The following ZNF560 variants were observed in gnomAD, a reference collection of about 807,000 sequenced individuals.
The protein encoded by ZNF560 is zinc finger protein 560.
Under a neutral mutation model 81.8 loss-of-function variants are expected in ZNF560, and 54 were observed. That is an observed-to-expected ratio of 0.66 (90% CI 0.53 to 0.83). The LOEUF (loss-of-function observed/expected upper bound fraction) is 0.83, where lower values mean the gene tolerates loss of function less well. ZNF560 is among the 40% of genes least tolerant of loss of function. ZNF560 has a pLI of 0.00. For synonymous variants in ZNF560, 321 were observed against 317.9 expected (o/e 1.01, Z -0.10); for missense variants, 940 against 932.4 (o/e 1.01, Z -0.11).
In ZNF560 at chr19:9,469,131, A is replaced by C. The variant is rs548140499; in HGVS notation, c.586T>G (p.Leu196Val). The change falls in exon 9 of 10, where the codon TTA becomes GTA. Residue 196 changes from leucine (L) to valine (V), a missense_variant. Transcript: ENST00000301480. ...AACTGTATCCCATTTAATGTTTTTA[A>C]ACAAAAATTATCTTGCCAAAGGGCT... Reference protein sequence around the residue: ...GPALWQDNFCLKTLNGIQLAR... With the variant: ...GPALWQDNFCVKTLNGIQLAR... 6.3e-7 allele frequency: 1 copy of C among 1,594,900 alleles called. No individual in the cohort carries two copies. Among genetic ancestry groups the C allele is most frequent in the Admixed American group, 1.8e-5 (1 of 55,120 alleles).
rs145243922 is a variant in ZNF560, at chr19:9,467,113, G to A, written c.1834C>T (p.Arg612Cys). ...CGTAAATGTTTAGTAAGATCTGAGC[G>A]TTCTGTGAAGGCTTTTCCACATTTC... ...CKKCGKAFTE[R>C]SDLTKHLRRH... Residue 612 changes from arginine (R) to cysteine (C), a missense_variant, in exon 10 of 10, where the codon CGC (arginine) becomes TGC (cysteine). Physicochemically the swap from Arg to Cys is radical, Grantham distance 180. Coordinates refer to ENST00000301480, the MANE Select transcript of ZNF560 (RefSeq NM_152476.3). 278 of 1,613,822 alleles carry A rather than the reference G, an allele frequency of 1.7e-4. No homozygotes were observed. Among genetic ancestry groups the A allele is most frequent in the Non-Finnish European group, 2.1e-4 (243 of 1,180,018 alleles).
intron 2 of ZNF560, among the ~76,000 whole-genome samples, chr19:9,476,136 G>A (rs2073198556): frequency 6.6e-6 from 1 of 152,110 alleles, no homozygotes; most frequent in African/African-American, 2.4e-5. Context: ...ATATGGTGTG[G>A]CTCTGTGTCC....
chr19:9,470,388 T>A lies in ZNF560; in HGVS notation c.448+4A>T. 1 of 1,607,802 alleles carries A rather than the reference T, an allele frequency of 6.2e-7. No individual in the cohort carries two copies. The highest frequency in any genetic ancestry group is 1.7e-5 in the Admixed American group (1 of 59,174). ...TAGGCTACAAGGGATGATGCCAGAC[T>A]TACCTACTGAGGACAGGTTCTTGTA... On this transcript the variant is annotated splice_donor_region_variant and intron_variant, in intron 7 of 9. Transcript: ENST00000301480.
upstream of ZNF560, among the ~76,000 whole-genome samples, chr19:9,501,721 A>G (rs1476673602): frequency 6.6e-6 from 1 of 151,712 alleles, no homozygotes; most frequent in Non-Finnish European, 1.5e-5. Flanking sequence ...CTGGCCTCCA[A>G]CTCCTAAGCT....
rs1395331887 is a variant in ZNF560, at chr19:9,467,224, T to C, written c.1723A>G (p.Met575Val). 1.2e-6 allele frequency: 2 copies of C among 1,614,114 alleles called. No individual in the cohort carries two copies. Among genetic ancestry groups the C allele is most frequent in the Non-Finnish European group, 1.7e-6 (2 of 1,180,004 alleles). Reference protein sequence around the residue: ...THAGEKPYECMKCGKAFTERS... With the variant: ...THAGEKPYECVKCGKAFTERS... The stretch of plus-strand genomic sequence containing the variant: ...TCAGTGAAGGCTTTCCCACATTTCA[T>C]ACATTCATAGGGTTTCTCTCCAGCG... The change falls in exon 10 of 10, where the codon ATG becomes GTG. Residue 575 changes from methionine to valine, a missense_variant. Coordinates refer to ENST00000301480, the MANE Select transcript of ZNF560 (RefSeq NM_152476.3).
chr19:9,493,354 T>C (rs2073502232), intron 2 of ZNF560, among the ~76,000 whole-genome samples: 2 of 152,110 alleles, frequency 1.3e-5, no homozygotes, highest in South Asian at 4.1e-4. Flanking sequence ...ACTGCAGTAG[T>C]CTGGCAGGTT....
At chr19:9,494,532 C>T (rs1288503083) in intron 2 of ZNF560, among the ~76,000 whole-genome samples, 1 of 152,074 alleles carries the variant, frequency 6.6e-6, no homozygotes, top group Non-Finnish European at 1.5e-5. Context: ...GTGAGGAGTT[C>T]GAGACCAGCC....
rs2073498436 is a variant in ZNF560 at position 9,493,130 on chromosome 19, C to G, written c.-57+4998G>C. On this transcript the variant is annotated intron_variant, in intron 2 of 9. Coordinates refer to ENST00000301480, the MANE Select transcript of ZNF560 (RefSeq NM_152476.3). ...CTAGAACCTCCTAGCACTTCCATAC[C>G]ACTTAGAAAGGTTAACAAAAAATTA... Among the ~76,000 whole-genome samples the G allele has an allele frequency of 1.3e-5, 2 of 151,972 alleles. 1 individual carries two copies. The highest frequency in any genetic ancestry group is 4.1e-4 in the South Asian group (2 of 4,822).
the ZNF560 span, among the ~76,000 whole-genome samples, chr19:9,458,144 C>A: frequency 5.3e-5 from 8 of 152,136 alleles, no homozygotes; most frequent in Non-Finnish European, 8.8e-5. Flanking sequence ...GGATATGATC[C>A]TGGAAAAATT....
the ZNF560 span, among the ~76,000 whole-genome samples, chr19:9,503,854 C>A: frequency 1.3e-5 from 2 of 152,124 alleles, no homozygotes; most frequent in African/African-American, 4.8e-5. Flanking sequence ...CTTTAATTGA[C>A]AAATTTTCAT....
Position 9,473,578 on chromosome 19 carries a change from C to CA in ZNF560, c.158-320dup, listed in dbSNP as rs57089671. Among the ~76,000 whole-genome samples, 234 of 113,910 alleles carry CA rather than the reference C, an allele frequency of 2.1e-3. 1 individual carries two copies. The highest frequency in any genetic ancestry group is 5.1e-3 in the Middle Eastern group (1 of 198). 74.7% of individuals were successfully genotyped at this position (113,910 alleles called of 152,430 possible). A position where few individuals can be genotyped will look rare whatever the true frequency, so the allele number is the denominator to read the frequency against. On this transcript the variant is annotated intron_variant, in intron 4 of 9. Transcript: ENST00000301480. ...GGACAACAAGAGCAAAATTCCATCT[C>CA]AAAAAAAAAAAAATAATGGAAGAGG...
chr19:9,483,659 C>T (rs9967602), intron 2 of ZNF560, among the ~76,000 whole-genome samples: 6,831 of 147,678 alleles, frequency 0.046, 586 homozygotes, highest in African/African-American at 0.16. Context: ...CCAGCCGCCC[C>T]GTCAGGGAGG....
At chr19:9,449,585 AAG>A in the ZNF560 span, among the ~76,000 whole-genome samples, 3 of 152,196 alleles carry the variant, frequency 2.0e-5, no homozygotes, top group African/African-American at 7.2e-5. Context: ...AAAAACAAAA[AAG>A]GAACATACCT....
chr19:9,463,072 G>A (rs1052892858), downstream of ZNF560, among the ~76,000 whole-genome samples: 2 of 152,170 alleles, frequency 1.3e-5, no homozygotes, highest in Non-Finnish European at 2.9e-5. Flanking sequence ...TATTATTCTA[G>A]TATTTTCTGC....
At chr19:9,497,445 GA>G (rs2073578132) in intron 2 of ZNF560, among the ~76,000 whole-genome samples, 1 of 145,338 alleles carries the variant, frequency 6.9e-6, no homozygotes, top group African/African-American at 2.6e-5. Context: ...TGAGGCAGGA[GA>G]ATCGCTTGAA....
At chr19:9,497,590 T>A (rs2073582368) in intron 2 of ZNF560, among the ~76,000 whole-genome samples, 1 of 151,656 alleles carries the variant, frequency 6.6e-6, no homozygotes, top group Non-Finnish European at 1.5e-5. Flanking sequence ...AATTTCCCAT[T>A]GACTCTCAAA....
At chr19:9,446,368 ACACACACACACACAC>A in the ZNF560 span, among the ~76,000 whole-genome samples, 1 of 28,330 alleles carries the variant, frequency 3.5e-5, no homozygotes, top group South Asian at 9.8e-4. Context: ...CAAGTCATAC[ACACACACACACACAC>A]ACACACACAC....
At chr19:9,484,266 A>T (rs2073350101) in intron 2 of ZNF560, among the ~76,000 whole-genome samples, 1 of 151,596 alleles carries the variant, frequency 6.6e-6, no homozygotes, top group South Asian at 2.1e-4. Flanking sequence ...CCCCTCTGTG[A>T]GAAACACCCA....
At position 9,467,226 on chromosome 19, in the gene ZNF560, C is replaced by T. The variant is rs1301506872; in HGVS notation, c.1721G>A (p.Cys574Tyr). 1 of 1,614,088 alleles carries T rather than the reference C, an allele frequency of 6.2e-7. No homozygotes were observed. Among genetic ancestry groups the T allele is most frequent in the South Asian group, 1.1e-5 (1 of 91,080 alleles). ...AGTGAAGGCTTTCCCACATTTCATA[C>T]ATTCATAGGGTTTCTCTCCAGCGTG... is the stretch of plus-strand genomic sequence containing the variant. ...RTHAGEKPYE[C>Y]MKCGKAFTER... The change falls in exon 10 of 10, where the codon TGT becomes TAT. Residue 574 changes from cysteine to tyrosine, a missense_variant. By Grantham distance (194) the Cys-to-Tyr change is radical. Coordinates refer to ENST00000301480, the MANE Select transcript of ZNF560 (RefSeq NM_152476.3).
Sources: allele counts gnomAD v4.1 joint callset (sites outside exome capture counted in the v4.1 genomes callset), GRCh38; gene constraint gnomAD v4.1.1; transcripts MANE v1.5; gene names NCBI Gene and HGNC (gene_info 2026-07-23, HGNC 2026-07-21).